Variants in DHCR24 observed in about 807,000 individuals in gnomAD.
DHCR24 encodes delta(24)-sterol reductase.
A neutral mutation model predicts 61.2 loss-of-function variants in DHCR24; 28 were observed. The ratio of observed to expected loss-of-function variants is 0.46; its 90% CI spans 0.34 to 0.63. The LOEUF (loss-of-function observed/expected upper bound fraction) is 0.63, where lower values mean the gene tolerates loss of function less well. Ranked by LOEUF, DHCR24 falls within the 20% of genes least tolerant of loss-of-function variation. The probability of loss-of-function intolerance (pLI) is 0.01; values close to 1 mark genes in which losing one functional copy is unlikely to be tolerated. For missense variants in DHCR24, 538 were observed against 679.1 expected, an observed-to-expected ratio of 0.79 and a Z score of 2.31; for synonymous variants, 261 against 275.9, an observed-to-expected ratio of 0.95 and a Z score of 0.54.
intron 1 of DHCR24, among the ~76,000 whole-genome samples, chr1:54,885,727 G>A (rs1000699008): frequency 9.2e-5 from 14 of 152,288 alleles, no homozygotes; most frequent in Middle Eastern, 3.4e-3. Flanking sequence ...GCTGTTTTGA[G>A]CCAGGCCCTA....
At position 54,883,914 on chromosome 1, in the gene DHCR24, C is replaced by A. The variant is rs959733243; in HGVS notation, c.232-141G>T. ...ACAGAACAATGAAAAGGCCTGCTGGCCCTACCCTCTGGCACCTCCCTGGCC... is the reference window on the plus strand; with the variant it reads ...ACAGAACAATGAAAAGGCCTGCTGGACCTACCCTCTGGCACCTCCCTGGCC... On this transcript the variant is annotated intron_variant, in intron 1 of 8. Coordinates refer to ENST00000371269, the MANE Select transcript of DHCR24 (RefSeq NM_014762.4). This position sits in a 1 kb window ranked among gnomAD's most constrained non-coding sequence, Gnocchi z 4.3. The A allele has an allele frequency of 6.0e-5, 72 of 1,193,574 alleles. No homozygotes were observed. The highest frequency in any genetic ancestry group is 7.4e-5 in the Non-Finnish European group (62 of 840,718). The allele number at this position is 1,193,574 out of a possible 1,614,324, so 73.9% of individuals were successfully genotyped here.
chr1:54,865,209 C>A (rs1646961123), intron 6 of DHCR24, 94 bp downstream of exon 6: 1 of 1,490,258 alleles, frequency 6.7e-7, no homozygotes, highest in Non-Finnish European at 9.2e-7. Context: ...CACTCTTTAC[C>A]CTGAAGGGAG....
Position 54,852,458 on chromosome 1 carries a change from G to C in DHCR24, c.1398-72C>G, listed in dbSNP as rs138056224. On this transcript the variant is annotated intron_variant, in intron 8 of 8. Transcript: ENST00000371269. ...CGCGAGGCGTGAGAGAAACCCAACT[G>C]CTCATTCTGCAGCCCAGAAAAGGCT... 1,417 of 1,544,672 alleles carry C rather than the reference G, an allele frequency of 9.2e-4. 11 individuals are homozygous for C. In the African/African-American group the frequency reaches 9.9e-3, roughly 11 times the overall value.
chr1:54,881,904 A>G lies in DHCR24; in HGVS notation c.387+1714T>C, dbSNP rs574367199. ...AACCAAATACCGCATGTTCTCACTT[A>G]TAAGTGGGAGCTAAATGATGAGAAC... is the stretch of plus-strand genomic sequence containing the variant. On this transcript the variant is annotated intron_variant, in intron 2 of 8. Transcript: ENST00000371269. Among the ~76,000 whole-genome samples, 12 of 152,278 alleles carry G rather than the reference A, an allele frequency of 7.9e-5. No homozygotes were observed. In the East Asian group the frequency reaches 2.3e-3, roughly 29 times the overall value.
chr1:54,857,294 G>C (rs2101558473), intron 6 of DHCR24, among the ~76,000 whole-genome samples: 1 of 152,312 alleles, frequency 6.6e-6, no homozygotes. Context: ...CTGGCTGTAG[G>C]GCCCCATGGC....
intron 5 of DHCR24, among the ~76,000 whole-genome samples, chr1:54,868,297 C>T (rs1310099082): frequency 6.6e-6 from 1 of 152,016 alleles, no homozygotes; most frequent in African/African-American, 2.4e-5. Flanking sequence ...AGTGAAACCC[C>T]ATCTCTACTA....
At chr1:54,885,912 C>T (rs1268541513) in intron 1 of DHCR24, among the ~76,000 whole-genome samples, 1 of 152,124 alleles carries the variant, frequency 6.6e-6, no homozygotes, top group African/African-American at 2.4e-5. Flanking sequence ...CCAGCAAAAT[C>T]CAGAGCTACA....
chr1:54,852,012 G>A lies in DHCR24; in HGVS notation c.*221C>T, dbSNP rs1138030. 124,033 of 594,090 alleles carry A rather than the reference G, an allele frequency of 0.21. 14,398 individuals are homozygous for A. Among genetic ancestry groups the A allele is most frequent in the East Asian group, 0.44 (15,180 of 34,790 alleles). 36.8% of individuals were successfully genotyped at this position (594,090 alleles called of 1,614,324 possible). On this transcript the variant is annotated 3_prime_UTR_variant, in exon 9 of 9. Transcript: ENST00000371269. ...GTCACACAGCTAATGAGTTCTAAAC[G>A]GGGAACTGGACTCAGGCTTGTCTGA... is the stretch of plus-strand genomic sequence containing the variant.
intron 4 of DHCR24, among the ~76,000 whole-genome samples, chr1:54,873,996 A>G (rs902992753): frequency 2.6e-5 from 4 of 152,240 alleles, no homozygotes; most frequent in Non-Finnish European, 5.9e-5. Flanking sequence ...TTAAAAAAAA[A>G]GTTTAAATAG....
At chr1:54,881,718 T>C (rs1307274219) in intron 2 of DHCR24, among the ~76,000 whole-genome samples, 1 of 152,126 alleles carries the variant, frequency 6.6e-6, no homozygotes, top group Non-Finnish European at 1.5e-5. Context: ...CAACTCACAA[T>C]AGCAAAGACA....
chr1:54,876,147 C>T (rs1237696449), intron 2 of DHCR24, 100 bp from the exon 3 acceptor site: 1 of 859,908 alleles, frequency 1.2e-6, no homozygotes, highest in Admixed American at 1.9e-5. Context: ...TTCCCAAACA[C>T]TCACTGCAGG....
At chr1:54,865,863 G>A (rs968178079) in intron 5 of DHCR24, among the ~76,000 whole-genome samples, 13 of 151,666 alleles carry the variant, frequency 8.6e-5, no homozygotes, top group Non-Finnish European at 1.8e-4. Context: ...GCCCCTCAGT[G>A]CAACCCAGGG....
At chr1:54,854,307 G>A in intron 6 of DHCR24, 73 bp from the exon 7 acceptor site, 5 of 1,374,168 alleles carry the variant, frequency 3.6e-6, no homozygotes, top group Non-Finnish European at 5.1e-6. Flanking sequence ...CAAGGGGCCA[G>A]GGGCCAGGTC....
chr1:54,879,322 G>A (rs1647051996), intron 2 of DHCR24, among the ~76,000 whole-genome samples: 5 of 108,500 alleles, frequency 4.6e-5, no homozygotes, highest in South Asian at 2.8e-4. Flanking sequence ...GACTCCATCT[G>A]AAAAAAAAAA....
At chr1:54,856,319 C>T (rs984929505) in intron 6 of DHCR24, among the ~76,000 whole-genome samples, 12 of 152,174 alleles carry the variant, frequency 7.9e-5, no homozygotes, top group African/African-American at 2.7e-4. Flanking sequence ...CTTATTGGAT[C>T]GGGTGCGGTG....
At chr1:54,880,568 C>T (rs1320396647) in intron 2 of DHCR24, among the ~76,000 whole-genome samples, 1 of 151,768 alleles carries the variant, frequency 6.6e-6, no homozygotes, top group East Asian at 1.9e-4. Flanking sequence ...AGTTCGAAAC[C>T]AGCCTGACCA....
At chr1:54,855,021 C>T (rs2101556392) in intron 6 of DHCR24, among the ~76,000 whole-genome samples, 1 of 152,258 alleles carries the variant, frequency 6.6e-6, no homozygotes, top group East Asian at 1.9e-4. Flanking sequence ...CTACCATGTT[C>T]CTGAGGGTCC....
intron 2 of DHCR24, 107 bp from the exon 3 acceptor site, chr1:54,876,154 C>A: frequency 1.2e-6 from 1 of 817,024 alleles, no homozygotes; most frequent in South Asian, 1.4e-5. Context: ...ACACTCACTG[C>A]AGGGATTCCT....
intron 4 of DHCR24, 51 bp from the exon 5 acceptor site, chr1:54,871,664 G>A (rs1647000753): frequency 1.2e-6 from 2 of 1,613,054 alleles, no homozygotes; most frequent in Admixed American, 1.7e-5. Flanking sequence ...GCCCCACATT[G>A]TGGCATGCAG....
Sources: gnomAD v4.1 joint callset for allele counts (sites outside exome capture counted in the v4.1 genomes callset) on GRCh38, gnomAD v4.1.1 for gene constraint, Gnocchi (gnomAD v3.1) non-coding constraint, MANE v1.5 for transcripts, NCBI Gene and HGNC (gene_info 2026-07-23, HGNC 2026-07-21) for gene names.